PHACTR1: variants seen among roughly 807,000 people sequenced by gnomAD.
PHACTR1 encodes phosphatase and actin regulator 1, also known as RPEL repeat containing 1.
In PHACTR1, 16 loss-of-function variants were observed where a neutral mutation model predicts 69.2. The observed-to-expected ratio is 0.23, with a 90% CI of 0.16 to 0.35. The LOEUF (loss-of-function observed/expected upper bound fraction) is 0.35. Among genes scored for constraint, PHACTR1 ranks in the 10% least tolerant of loss-of-function variants. PHACTR1 has a pLI of 1.00. For missense variants in PHACTR1, 510 were observed against 734.7 expected (o/e 0.69, Z 3.54); for synonymous variants, 312 against 284.5 (o/e 1.10, Z -0.97).
At position 12,925,441 on chromosome 6, in the gene PHACTR1, A is replaced by ATT. The variant is rs538453990; in HGVS notation, c.251-127923_251-127922insTT. 1.2e-4 allele frequency among the ~76,000 whole-genome samples: 19 copies of ATT among 152,362 alleles called. No individual in the cohort carries two copies. In the East Asian group the frequency reaches 3.5e-3, roughly 28 times the overall value. On this transcript the variant is annotated intron_variant, in intron 4 of 14. Coordinates refer to ENST00000332995, the MANE Select transcript of PHACTR1 (RefSeq NM_030948.6). ...ACACAAAAAGTTGGATAAAATTTTA[A>ATT]TAACTTAATGTCTTTCTAAGGTACG...
chr6:12,780,067 A>G (rs907329872), intron 4 of PHACTR1, among the ~76,000 whole-genome samples: 7 of 152,170 alleles, frequency 4.6e-5, no homozygotes, highest in Non-Finnish European at 7.3e-5. Context: ...GTGGCAGGAA[A>G]CTGGATGATG....
At chr6:13,042,885 C>G (rs1804407396) in intron 4 of PHACTR1, among the ~76,000 whole-genome samples, 1 of 152,174 alleles carries the variant, frequency 6.6e-6, no homozygotes, top group African/African-American at 2.4e-5. Flanking sequence ...ATGGGACTTT[C>G]CTAAGGTCAC....
chr6:13,098,757 A>G (rs897791519), intron 5 of PHACTR1, among the ~76,000 whole-genome samples: 4 of 152,166 alleles, frequency 2.6e-5, no homozygotes, highest in African/African-American at 9.7e-5. Flanking sequence ...CCTGCTGATC[A>G]TAGCTCTTAA....
chr6:13,051,286 A>ATTTGT (rs1805903413), intron 4 of PHACTR1, among the ~76,000 whole-genome samples: 1 of 151,784 alleles, frequency 6.6e-6, no homozygotes, highest in Non-Finnish European at 1.5e-5. Context: ...TGGTATTTTT[A>ATTTGT]TTTGTTTTGT....
At chr6:13,060,503 T>C (rs937093343) in intron 5 of PHACTR1, among the ~76,000 whole-genome samples, 8 of 151,762 alleles carry the variant, frequency 5.3e-5, no homozygotes, top group Non-Finnish European at 1.2e-4. Context: ...AGTTAGAAAA[T>C]ATGAGACAGA....
At chr6:12,763,191 C>A (rs920228931) in intron 4 of PHACTR1, among the ~76,000 whole-genome samples, 18 of 151,388 alleles carry the variant, frequency 1.2e-4, no homozygotes, top group African/African-American at 3.9e-4. Flanking sequence ...CCAGCCTGGG[C>A]AACAAGGTGA....
chr6:12,826,377 G>A (rs756207159), intron 4 of PHACTR1, among the ~76,000 whole-genome samples: 9 of 152,108 alleles, frequency 5.9e-5, no homozygotes, highest in South Asian at 2.1e-4. Context: ...TTTTAGATGC[G>A]GTTACATAAT....
At chr6:13,042,239 T>C (rs1422726835) in intron 4 of PHACTR1, among the ~76,000 whole-genome samples, 2 of 152,146 alleles carry the variant, frequency 1.3e-5, no homozygotes, top group Non-Finnish European at 2.9e-5. Context: ...AGATAATAGA[T>C]CTAAAAGCAC....
At chr6:13,068,914 C>T (rs1204038817) in intron 5 of PHACTR1, among the ~76,000 whole-genome samples, 1 of 152,132 alleles carries the variant, frequency 6.6e-6, no homozygotes, top group African/African-American at 2.4e-5. Flanking sequence ...TTCTACTTTA[C>T]GTTCCAAACC....
chr6:12,929,907 G>T (rs544431573), intron 4 of PHACTR1, among the ~76,000 whole-genome samples: 1 of 152,286 alleles, frequency 6.6e-6, no homozygotes, highest in East Asian at 1.9e-4. Flanking sequence ...TATTGCAAAT[G>T]ACAGTCTTTT....
At chr6:13,033,303 T>A (rs1393530374) in intron 4 of PHACTR1, among the ~76,000 whole-genome samples, 1 of 152,218 alleles carries the variant, frequency 6.6e-6, no homozygotes, top group East Asian at 1.9e-4. Flanking sequence ...TGTACCTGTT[T>A]CCAGCCCTAA....
Position 13,106,786 on chromosome 6 carries a change from G to C in PHACTR1, c.415+53257G>C, listed in dbSNP as rs12194133. On this transcript the variant is annotated intron_variant, in intron 5 of 14. Transcript: ENST00000332995. ...TTGCCCAATTTTTTTTCATCTTTTG[G>C]GATGAGCAGATGATTTTTCTCCTTT... Among the ~76,000 whole-genome samples, 756 of 152,008 alleles carry C rather than the reference G, an allele frequency of 5.0e-3. 2 individuals carry two copies. The highest frequency in any genetic ancestry group is 7.6e-3 in the Non-Finnish European group (515 of 67,984).
At chr6:13,087,965 C>T (rs1037809704) in intron 5 of PHACTR1, among the ~76,000 whole-genome samples, 17 of 152,006 alleles carry the variant, frequency 1.1e-4, no homozygotes, top group African/African-American at 3.9e-4. Flanking sequence ...ACATCTTTAA[C>T]CTGGTAATGT....
chr6:13,007,658 CTTTTTTTTTT>C (rs55855505), intron 4 of PHACTR1, among the ~76,000 whole-genome samples: 1 of 111,596 alleles, frequency 9.0e-6, no homozygotes, highest in African/African-American at 3.2e-5. Context: ...TTTGGAGATC[CTTTTTTTTTT>C]TTTTTTTTTT....
chr6:13,057,215 A>G (rs1259738423), intron 5 of PHACTR1, among the ~76,000 whole-genome samples: 3 of 152,218 alleles, frequency 2.0e-5, no homozygotes, highest in Non-Finnish European at 4.4e-5. Flanking sequence ...TTTGATCACT[A>G]CACATTGTAT....
chr6:13,035,932 A>G (rs1161042293), intron 4 of PHACTR1, among the ~76,000 whole-genome samples: 1 of 152,244 alleles, frequency 6.6e-6, no homozygotes, highest in Non-Finnish European at 1.5e-5. Flanking sequence ...TATTTATATT[A>G]CAATGATGAT....
intron 13 of PHACTR1, among the ~76,000 whole-genome samples, chr6:13,285,365 T>C (rs552618559): frequency 2.0e-5 from 3 of 152,314 alleles, no homozygotes; most frequent in Non-Finnish European, 4.4e-5. Context: ...TCCTGGGGCC[T>C]TGATATTCCC....
chr6:13,058,434 GA>G (rs544991370), intron 5 of PHACTR1, among the ~76,000 whole-genome samples: 2 of 152,186 alleles, frequency 1.3e-5, no homozygotes, highest in Non-Finnish European at 2.9e-5. Context: ...TTGGTGGGGA[GA>G]AAAAAACATG....
In PHACTR1 at chr6:13,221,374, A is replaced by G. The variant is rs114703509; in HGVS notation, c.987-6442A>G. ...AATGAGGCCTTTCCTGGCTCTTTTG[A>G]TTAGGAGAATTACATGATCAGACCA... is the stretch of plus-strand genomic sequence containing the variant. On this transcript the variant is annotated intron_variant, in intron 8 of 14. Transcript: ENST00000332995. 6.2e-3 allele frequency among the ~76,000 whole-genome samples: 809 copies of G among 131,374 alleles called. 13 individuals carry two copies. Among genetic ancestry groups the G allele is most frequent in the African/African-American group, 0.022 (775 of 35,760 alleles). 86.2% of individuals were successfully genotyped at this position (131,374 alleles called of 152,430 possible).
Sources: allele counts gnomAD v4.1 joint callset (sites outside exome capture counted in the v4.1 genomes callset), GRCh38; gene constraint gnomAD v4.1.1; transcripts MANE v1.5; gene names NCBI Gene and HGNC (gene_info 2026-07-23, HGNC 2026-07-21).